The following STMN1 variants were observed in gnomAD, a reference collection of about 807,000 sequenced individuals.
The protein encoded by STMN1 is stathmin 1, also known as stathmin.
Under a neutral mutation model 19.7 loss-of-function variants are expected in STMN1, and 3 were observed. That is an observed-to-expected ratio of 0.15 (90% CI 0.07 to 0.39). The LOEUF is 0.39. Ranked by LOEUF, STMN1 falls within the 10% of genes least tolerant of loss-of-function variation. STMN1 has a pLI of 1.00. For missense variants in STMN1, 99 were observed against 176.0 expected (o/e 0.56, Z 2.48); for synonymous variants, 59 against 58.9 (o/e 1.00, Z -0.01).
intron 4 of STMN1, 190 bp from the exon 5 acceptor site, chr1:25,901,277 C>A: frequency 8.2e-7 from 1 of 1,214,578 alleles, no homozygotes; most frequent in Non-Finnish European, 1.1e-6. Flanking sequence ...CTTGTAGAAC[C>A]TAACAAGCTG....
At chr1:25,898,889 C>T (rs1322061493), downstream of STMN1, among the ~76,000 whole-genome samples, 2 of 152,240 alleles carry the variant, frequency 1.3e-5, no homozygotes, top group African/African-American at 4.8e-5. Context: ...TCCTCCTCTT[C>T]ACTCCAAGCC....
chr1:25,901,860 A>C, intron 3 of STMN1, 178 bp from the exon 4 acceptor site: 2 of 437,540 alleles, frequency 4.6e-6, no homozygotes, highest in Admixed American at 4.4e-5. Context: ...AAATACAAAA[A>C]TTAGCCGGGC....
At chr1:25,901,797 GTCAGGAGT>G (rs1351502601) in intron 3 of STMN1, 115 bp from the exon 4 acceptor site, 4 of 1,019,572 alleles carry the variant, frequency 3.9e-6, no homozygotes, top group Non-Finnish European at 5.5e-6. Flanking sequence ...ATCATTTGAG[GTCAGGAGT>G]TCAAGACCAG....
intron 4 of STMN1, among the ~76,000 whole-genome samples, chr1:25,894,644 C>T (rs899886383): frequency 1.3e-5 from 2 of 152,166 alleles, no homozygotes; most frequent in African/African-American, 4.8e-5. Flanking sequence ...TGCACCACTG[C>T]ACTCCGGCCT....
chr1:25,890,555 T>C (rs2048763163), intron 4 of STMN1, among the ~76,000 whole-genome samples: 1 of 152,192 alleles, frequency 6.6e-6, no homozygotes, highest in African/African-American at 2.4e-5. Context: ...AGAATAAATG[T>C]TAATTACCTA....
At chr1:25,897,310 C>T (rs867901740), downstream of STMN1, among the ~76,000 whole-genome samples, 4 of 83,148 alleles carry the variant, frequency 4.8e-5, no homozygotes, top group African/African-American at 1.3e-4. Context: ...AAGACTGTCT[C>T]GAAAAAAAAA....
chr1:25,888,809 G>C (rs917003605), intron 4 of STMN1, among the ~76,000 whole-genome samples: 1 of 152,166 alleles, frequency 6.6e-6, no homozygotes, highest in South Asian at 2.1e-4. Context: ...GATGGCTGCT[G>C]TACTTCTAGG....
chr1:25,889,188 C>A, intron 4 of STMN1: 1 of 305,008 alleles, frequency 3.3e-6, no homozygotes, highest in South Asian at 3.6e-5. Flanking sequence ...CTGAAAATGT[C>A]ACCGTTATCT....
rs2048864427 is a variant in STMN1, at chr1:25,900,905, A to AC, written c.*110dup. 6.3e-7 allele frequency: 1 copy of AC among 1,585,620 alleles called. No homozygotes were observed. Among genetic ancestry groups the AC allele is most frequent in the Non-Finnish European group, 8.6e-7 (1 of 1,166,650 alleles). On this transcript the variant is annotated 3_prime_UTR_variant, in exon 5 of 5. Transcript: ENST00000455785. ...GATCTGGATCTACCTATACAGTCCT[A>AC]CATTAGCTTCTAAAATATTTGTCAG...
In STMN1 at chr1:25,900,176, G is replaced by A. The variant is rs1208626904; in HGVS notation, c.*840C>T. 2.0e-6 allele frequency: 2 copies of A among 985,686 alleles called. No homozygotes were observed. The highest frequency in any genetic ancestry group is 1.7e-5 in the African/African-American group (1 of 57,212). 61.1% of individuals were successfully genotyped at this position (985,686 alleles called of 1,614,324 possible). On this transcript the variant is annotated 3_prime_UTR_variant, in exon 5 of 5. Coordinates refer to ENST00000455785, the MANE Select transcript of STMN1 (RefSeq NM_005563.4). ...TGATTCTCGTGTCATAGCTTTTATG[G>A]CAGGAAAGGATGAGGACATGCCCCA...
In STMN1 at chr1:25,900,260, T is replaced by A. The variant is rs921648938; in HGVS notation, c.*756A>T. ...AATCTTGAGATTCTCTCTCAACTGT[T>A]CTCTAGAAACACGCTTGTGCTTTTA... is the stretch of plus-strand genomic sequence containing the variant. On this transcript the variant is annotated 3_prime_UTR_variant, in exon 5 of 5. Transcript: ENST00000455785. The A allele has an allele frequency of 1.3e-5, 13 of 985,718 alleles. No homozygotes were observed. The highest frequency in any genetic ancestry group is 6.2e-5 in the Admixed American group (1 of 16,258). The allele number at this position is 985,718 out of a possible 1,614,324, so 61.1% of individuals were successfully genotyped here.
At chr1:25,893,703 G>A (rs749238325) in intron 4 of STMN1, among the ~76,000 whole-genome samples, 1 of 152,156 alleles carries the variant, frequency 6.6e-6, no homozygotes, top group Non-Finnish European at 1.5e-5. Context: ...ATCACGCCTG[G>A]CTAATTTTTG....
downstream of STMN1, among the ~76,000 whole-genome samples, chr1:25,897,614 G>C (rs1445928267): frequency 1.3e-5 from 2 of 152,154 alleles, no homozygotes; most frequent in East Asian, 3.9e-4. Context: ...CGGCTGAATA[G>C]TAGGGCTTTC....
chr1:25,898,322 C>CT (rs1001830625), downstream of STMN1, among the ~76,000 whole-genome samples: 1 of 152,174 alleles, frequency 6.6e-6, no homozygotes, highest in African/African-American at 2.4e-5. Context: ...AAGCTCATGT[C>CT]CTTTCTCCTC....
intron 2 of STMN1, among the ~76,000 whole-genome samples, chr1:25,904,417 C>T (rs1026857404): frequency 1.3e-5 from 2 of 152,206 alleles, no homozygotes; most frequent in African/African-American, 4.8e-5. Context: ...CTGACAATCG[C>T]TTTCATAAAC....
chr1:25,888,666 A>T (rs2048744835), intron 4 of STMN1, among the ~76,000 whole-genome samples: 1 of 152,182 alleles, frequency 6.6e-6, no homozygotes. Context: ...GTGGCTCAAA[A>T]ACAGTGGCTT....
At chr1:25,899,123 T>G (rs1182894024), downstream of STMN1, among the ~76,000 whole-genome samples, 5 of 152,078 alleles carry the variant, frequency 3.3e-5, no homozygotes, top group Non-Finnish European at 7.4e-5. Context: ...TGATAGGAAG[T>G]CAGGGCCACC....
At chr1:25,893,713 G>A (rs568306650) in intron 4 of STMN1, among the ~76,000 whole-genome samples, 3 of 152,290 alleles carry the variant, frequency 2.0e-5, no homozygotes, top group South Asian at 4.1e-4. Context: ...GCTAATTTTT[G>A]TATTTTTAGC....
intron 4 of STMN1, among the ~76,000 whole-genome samples, chr1:25,888,071 G>A (rs1319921643): frequency 1.3e-5 from 2 of 152,084 alleles, no homozygotes; most frequent in African/African-American, 4.8e-5. Flanking sequence ...AGAAAGCCCT[G>A]GGTTTAAATC....
Sources: gnomAD v4.1 joint callset for allele counts (sites outside exome capture counted in the v4.1 genomes callset) on GRCh38, gnomAD v4.1.1 for gene constraint, MANE v1.5 for transcripts, NCBI Gene and HGNC (gene_info 2026-07-23, HGNC 2026-07-21) for gene names.